COL27A1: variants seen among roughly 807,000 people sequenced by gnomAD.
The protein encoded by COL27A1 is collagen alpha-1(XXVII) chain.
Under a neutral mutation model 251.3 loss-of-function variants are expected in COL27A1, and 106 were observed. That is an observed-to-expected ratio of 0.42 (90% confidence interval 0.36 to 0.50). The LOEUF (loss-of-function observed/expected upper bound fraction) is 0.50, where lower values mean the gene tolerates loss of function less well. COL27A1 is among the 20% of genes least tolerant of loss of function. COL27A1 has a pLI of 0.00. For synonymous variants in COL27A1, 1,000 were observed against 986.3 expected, an observed-to-expected ratio of 1.01 and a Z score of -0.26; for missense variants, 2,325 against 2,522.8, an observed-to-expected ratio of 0.92 and a Z score of 1.68.
chr9:114,307,836 C>A (rs150582010), intron 59 of COL27A1, 58 bp downstream of exon 59: 12 of 1,321,840 alleles, frequency 9.1e-6, no homozygotes, highest in Non-Finnish European at 1.3e-5. Context: ...CCAGCCTGCC[C>A]TGGGCCACAA....
intron 10 of COL27A1, chr9:114,209,336 G>A (rs1830186444): frequency 7.1e-6 from 4 of 560,408 alleles, no homozygotes; most frequent in South Asian, 6.2e-5. Context: ...GGCAGGGCTT[G>A]GTGCCGTGCT....
intron 49 of COL27A1, among the ~76,000 whole-genome samples, chr9:114,297,789 C>T (rs1828355583): frequency 1.3e-5 from 2 of 152,302 alleles, no homozygotes; most frequent in South Asian, 4.2e-4. Context: ...ACTGTTACCA[C>T]TTCTATTCAA....
chr9:114,242,265 A>C (rs756045536), intron 22 of COL27A1, 34 bp downstream of exon 22: 2 of 1,592,360 alleles, frequency 1.3e-6, no homozygotes, highest in Non-Finnish European at 1.7e-6. Context: ...GGTGGCATTC[A>C]TGGGAGCTGA....
At chr9:114,235,332 T>C (rs1832296718) in intron 16 of COL27A1, among the ~76,000 whole-genome samples, 1 of 152,192 alleles carries the variant, frequency 6.6e-6, no homozygotes, top group Non-Finnish European at 1.5e-5. Context: ...CAGTTGACAC[T>C]GGGCAGTGGG....
chr9:114,194,558 C>A, intron 6 of COL27A1, 101 bp downstream of exon 6: 2 of 1,048,710 alleles, frequency 1.9e-6, no homozygotes, highest in Non-Finnish European at 2.9e-6. Context: ...CCATGCATGG[C>A]AAAGGCAGGG....
At chr9:114,206,776 C>A (rs562468516) in intron 10 of COL27A1, among the ~76,000 whole-genome samples, 26 of 152,302 alleles carry the variant, frequency 1.7e-4, no homozygotes, top group Non-Finnish European at 2.9e-4. Context: ...TCAAGGCCCC[C>A]ATGGAGCAGA....
At chr9:114,264,233 G>A in intron 28 of COL27A1, 122 bp from the exon 29 acceptor site, 1 of 679,248 alleles carries the variant, frequency 1.5e-6, no homozygotes, top group South Asian at 2.6e-5. Context: ...GAAGTGGGAG[G>A]AGGAGGGGGC....
chr9:114,235,438 C>T (rs1832308437), intron 16 of COL27A1, among the ~76,000 whole-genome samples, 161 bp from the exon 17 acceptor site: 2 of 152,200 alleles, frequency 1.3e-5, no homozygotes, highest in Admixed American at 6.5e-5. Context: ...GCCTGCTTTC[C>T]TCGCCAGGGG....
chr9:114,264,869 G>T, intron 29 of COL27A1, 55 bp from the exon 30 acceptor site: 1 of 1,562,368 alleles, frequency 6.4e-7, no homozygotes, highest in Non-Finnish European at 8.7e-7. Context: ...TCCCTTTTTG[G>T]GGAACGGTCC....
chr9:114,168,060 A>G lies in COL27A1; in HGVS notation c.505A>G (p.Thr169Ala), dbSNP rs760926145. ...LALELRGRTV[T>A]LVTACGQRRV... ...CCTCGAGCTCCGAGGCCGCACAGTCACTCTGGTGACTGCCTGCGGGCAGCG... is the reference window on the plus strand; with the variant it reads ...CCTCGAGCTCCGAGGCCGCACAGTCGCTCTGGTGACTGCCTGCGGGCAGCG... The change falls in exon 3 of 61, where the codon ACT (threonine) becomes GCT (alanine). Residue 169 changes from threonine to alanine, a missense_variant. Physicochemically the swap from Thr to Ala is moderately conservative, Grantham distance 58. This residue lies in a region of COL27A1 where 1,183 missense variants were observed against 1,144.1 expected (regional missense o/e 1.03). Coordinates refer to ENST00000356083, the MANE Select transcript of COL27A1 (RefSeq NM_032888.4). The G allele has an allele frequency of 5.6e-6, 9 of 1,608,436 alleles. No individual in the cohort carries two copies. In the Admixed American group the frequency reaches 1.2e-4, roughly 21 times the overall value.
chr9:114,245,148 GTTTTTTTTTTTTT>G (rs779029948), intron 23 of COL27A1, among the ~76,000 whole-genome samples: 1 of 101,334 alleles, frequency 9.9e-6, no homozygotes, highest in African/African-American at 3.9e-5. Flanking sequence ...GTGCATTCTT[GTTTTTTTTTTTTT>G]TTTTTTTTTT....
intron 56 of COL27A1, among the ~76,000 whole-genome samples, chr9:114,303,897 G>C (rs781523337): frequency 3.3e-5 from 5 of 152,236 alleles, no homozygotes; most frequent in Non-Finnish European, 7.3e-5. Flanking sequence ...CCTCATCTTA[G>C]CCTGGAGTCA....
rs1212415116 is a variant in COL27A1 at position 114,290,991 on chromosome 9, C to G, written c.4476+74C>G. 1.8e-6 allele frequency: 2 copies of G among 1,115,326 alleles called. No individual in the cohort carries two copies. The highest frequency in any genetic ancestry group is 5.3e-5 in the East Asian group (2 of 38,048). 69.1% of individuals were successfully genotyped at this position (1,115,326 alleles called of 1,614,324 possible). ...GATGCAGACTCTAGTGGTTCCGACC[C>G]TTTGGGCACCCATGTCCCAGGGCCT... On this transcript the variant is annotated intron_variant, in intron 48 of 60. Transcript: ENST00000356083. This position sits in a 1 kb window ranked among gnomAD's most constrained non-coding sequence, Gnocchi z 4.6.
chr9:114,261,716 C>T (rs1353846798), intron 28 of COL27A1, among the ~76,000 whole-genome samples: 3 of 152,178 alleles, frequency 2.0e-5, no homozygotes, highest in South Asian at 2.1e-4. Flanking sequence ...CCCCCGGTGA[C>T]GGGGAGCTCA....
At chr9:114,209,127 TG>T (rs1830174412) in intron 10 of COL27A1, among the ~76,000 whole-genome samples, 1 of 152,172 alleles carries the variant, frequency 6.6e-6, no homozygotes, top group Non-Finnish European at 1.5e-5. Flanking sequence ...GGTGACAATC[TG>T]GGGGGTCCTT....
intron 28 of COL27A1, 128 bp from the exon 29 acceptor site, chr9:114,264,227 T>C (rs1017101240): frequency 1.6e-6 from 1 of 640,654 alleles, no homozygotes. Flanking sequence ...GTGTGGGAAG[T>C]GGGAGGAGGA....
chr9:114,282,515 C>A lies in COL27A1; in HGVS notation c.3830C>A (p.Pro1277His). The change falls in exon 39 of 61, where the codon CCC (proline) becomes CAC (histidine). Residue 1277 changes from proline to histidine, a missense_variant. This residue lies in a region of COL27A1 where 662 missense variants were observed against 795.3 expected (regional missense o/e 0.83). Transcript: ENST00000356083. ...GEMGVPGDPG[P>H]PGTPGPKGSR... ...ATGGGCGTCCCTGGAGACCCTGGAC[C>A]CCCTGGCACTCCAGGCCCTAAAGGG... The A allele has an allele frequency of 1.3e-6, 2 of 1,571,676 alleles. No homozygotes were observed. The highest frequency in any genetic ancestry group is 1.2e-5 in the South Asian group (1 of 85,414).
intron 34 of COL27A1, 31 bp downstream of exon 34, chr9:114,267,588 C>T (rs762665768): frequency 6.3e-7 from 1 of 1,587,822 alleles, no homozygotes; most frequent in Non-Finnish European, 8.6e-7. Flanking sequence ...AGAAAAATGA[C>T]TTGTTGAAAC....
rs1254742539 is a variant in COL27A1, at chr9:114,275,676, C to T, written c.3625C>T (p.Pro1209Ser). 12 of 1,549,698 alleles carry T rather than the reference C, an allele frequency of 7.7e-6. No homozygotes were observed. The highest frequency in any genetic ancestry group is 9.6e-6 in the Non-Finnish European group (11 of 1,146,542). The part of the protein sequence containing the change: ...PDGLKGDRGD[P>S]GPDGEHGEKG... Reference sequence around the variant, plus strand: ...TGCCACCCAGGGGGACAGGGGAGACCCAGGGCCTGATGGAGAACATGGCGA... The same window carrying T: ...TGCCACCCAGGGGGACAGGGGAGACTCAGGGCCTGATGGAGAACATGGCGA... The change falls in exon 37 of 61, where the codon CCA becomes TCA. Residue 1209 changes from proline to serine, a missense_variant. Physicochemically the swap from Pro to Ser is moderately conservative, Grantham distance 74. Around this residue, in one of 4 missense-constraint regions of COL27A1, gnomAD observed 662 missense variants for 795.3 expected, o/e 0.83. Coordinates refer to ENST00000356083, the MANE Select transcript of COL27A1 (RefSeq NM_032888.4).
Sources: gnomAD v4.1 joint callset for allele counts (sites outside exome capture counted in the v4.1 genomes callset) on GRCh38, gnomAD v4.1.1 for gene constraint, gnomAD v4.1.1 regional missense constraint, Gnocchi (gnomAD v3.1) non-coding constraint, MANE v1.5 for transcripts, NCBI Gene and HGNC (gene_info 2026-07-23, HGNC 2026-07-21) for gene names.